Variants in NLRP5 observed in about 807,000 individuals in gnomAD.
The protein encoded by NLRP5 is NLR family pyrin domain containing 5.
In NLRP5, 93 loss-of-function variants were observed where a neutral mutation model predicts 113.1. The ratio of observed to expected loss-of-function variants is 0.82; its 90% CI spans 0.70 to 0.98. The LOEUF (loss-of-function observed/expected upper bound fraction) is 0.98. Ranked by LOEUF, NLRP5 falls within the 50% of genes least tolerant of loss-of-function variation. The pLI is 0.00. For synonymous variants in NLRP5, 751 were observed against 600.7 expected, an observed-to-expected ratio of 1.25 and a Z score of -3.66; for missense variants, 1,808 against 1,514.3, an observed-to-expected ratio of 1.19 and a Z score of -3.22.
At chr19:55,989,779 T>A in the NLRP5 span, among the ~76,000 whole-genome samples, 77,524 of 152,010 alleles carry the variant, frequency 0.51, 20,274 homozygotes, top group African/African-American at 0.63. Flanking sequence ...CCCACCTGTT[T>A]TTAATCGACT....
chr19:56,055,088 C>T (rs1984082557), intron 13 of NLRP5, among the ~76,000 whole-genome samples: 1 of 145,678 alleles, frequency 6.9e-6, no homozygotes, highest in African/African-American at 2.5e-5. Context: ...GAATCTCCGC[C>T]TTCCGAGTTC....
rs60229740 is a variant in NLRP5 at position 56,048,979 on chromosome 19, ATTT to A, written c.2958-1421_2958-1419del. On this transcript the variant is annotated intron_variant, in intron 11 of 14. Transcript: ENST00000390649. ...CTTCAAGCTCTGATTTTTTTTTTTA[ATTT>A]TTTTTTTTTTTTTTTTTGAGACAGA... is the stretch of plus-strand genomic sequence containing the variant. Among the ~76,000 whole-genome samples the A allele has an allele frequency of 9.2e-4, 87 of 94,942 alleles. No individual in the cohort carries two copies. The South Asian group carries it at 1.0e-2, about 11-fold the overall frequency. The allele number at this position is 94,942 out of a possible 152,430, so 62.3% of individuals were successfully genotyped here.
intron 6 of NLRP5, among the ~76,000 whole-genome samples, chr19:56,025,847 TC>T (rs1295906770): frequency 6.6e-6 from 1 of 151,714 alleles, no homozygotes; most frequent in Admixed American, 6.6e-5. Context: ...CAAGTTCCCC[TC>T]CCCCTCCCCA....
rs762091558 is a variant in NLRP5, at chr19:56,015,778, C to G, written c.545C>G (p.Ala182Gly). ...GCTGTGCAACAAGATAGTGCCACAG[C>G]TGCAGAGACAAAAGAACAAGGTGAA... The change falls in exon 4 of 15, where the codon GCT becomes GGT. Residue 182 changes from alanine (A) to glycine (G), a missense_variant. Physicochemically the swap from Ala to Gly is moderately conservative, Grantham distance 60. Coordinates refer to ENST00000390649, the MANE Select transcript of NLRP5 (RefSeq NM_153447.4). 44 of 1,571,392 alleles carry G rather than the reference C, an allele frequency of 2.8e-5. No individual in the cohort carries two copies. Among genetic ancestry groups the G allele is most frequent in the Non-Finnish European group, 3.5e-5 (41 of 1,156,824 alleles).
intron 11 of NLRP5, among the ~76,000 whole-genome samples, chr19:56,043,799 G>A (rs892811241): frequency 3.3e-5 from 5 of 151,462 alleles, no homozygotes; most frequent in African/African-American, 1.2e-4. Flanking sequence ...GGATGGTCTC[G>A]ATCTCCTGAC....
At position 56,007,772 on chromosome 19, in the gene NLRP5, T is replaced by A. The variant is rs1485802125; in HGVS notation, c.443-1016T>A. ...ACACAGGGAGACGAGTTTGAGGTCTTTCTACTGTCCATGAGATAAATAAAG... is the reference window on the plus strand; with the variant it reads ...ACACAGGGAGACGAGTTTGAGGTCTATCTACTGTCCATGAGATAAATAAAG... On this transcript the variant is annotated intron_variant, in intron 2 of 14. Transcript: ENST00000390649. Among the ~76,000 whole-genome samples, 12 of 151,122 alleles carry A rather than the reference T, an allele frequency of 7.9e-5. 1 individual carries two copies. The highest frequency in any genetic ancestry group is 3.0e-4 in the African/African-American group (12 of 40,642).
intron 7 of NLRP5, among the ~76,000 whole-genome samples, chr19:56,030,309 G>T (rs1983046669): frequency 1.3e-5 from 2 of 152,090 alleles, no homozygotes; most frequent in East Asian, 3.9e-4. Flanking sequence ...GGCGGAGGTT[G>T]CAGTGAGCCA....
intron 3 of NLRP5, among the ~76,000 whole-genome samples, chr19:56,014,495 A>T (rs911089447): frequency 1.4e-5 from 2 of 146,904 alleles, no homozygotes; most frequent in Non-Finnish European, 3.0e-5. Context: ...AAAAAAAAAA[A>T]ATTGCTTAAC....
At chr19:56,004,399 A>G (rs990269825) in intron 2 of NLRP5, among the ~76,000 whole-genome samples, 2 of 152,142 alleles carry the variant, frequency 1.3e-5, no homozygotes, top group Admixed American at 1.3e-4. Flanking sequence ...GTCGGTTGTG[A>G]GACTTCGGGC....
chr19:56,006,336 A>G (rs1981910422), intron 2 of NLRP5, among the ~76,000 whole-genome samples: 2 of 152,146 alleles, frequency 1.3e-5, no homozygotes, highest in Non-Finnish European at 1.5e-5. Context: ...ATAACGAGTT[A>G]ATGGGTGCAG....
intron 3 of NLRP5, among the ~76,000 whole-genome samples, chr19:56,009,416 T>C (rs1435946767): frequency 6.6e-6 from 1 of 150,860 alleles, no homozygotes; most frequent in African/African-American, 2.4e-5. Context: ...CGTCTTCAGT[T>C]TGGGTAACCT....
chr19:56,024,716 C>G (rs1232016180), intron 6 of NLRP5, among the ~76,000 whole-genome samples: 1 of 151,480 alleles, frequency 6.6e-6, no homozygotes, highest in Non-Finnish European at 1.5e-5. Flanking sequence ...CAAGATCACG[C>G]TGCTGCACTC....
intron 8 of NLRP5, among the ~76,000 whole-genome samples, chr19:56,033,305 C>T (rs1047979118): frequency 1.3e-5 from 2 of 152,118 alleles, no homozygotes; most frequent in African/African-American, 4.8e-5. Context: ...GGCTCCTTGA[C>T]ACCAGGTTTG....
intron 14 of NLRP5, among the ~76,000 whole-genome samples, chr19:56,058,713 TCTTA>T (rs1166807948): frequency 2.0e-5 from 3 of 152,196 alleles, no homozygotes; most frequent in Admixed American, 2.0e-4. Flanking sequence ...GATCCAGCAA[TCTTA>T]CTTCTGAGTA....
At position 56,003,825 on chromosome 19, in the gene NLRP5, C is replaced by G; in HGVS notation, c.172C>G (p.Leu58Val). 6.2e-7 allele frequency: 1 copy of G among 1,614,000 alleles called. No individual in the cohort carries two copies. Among genetic ancestry groups the G allele is most frequent in the Non-Finnish European group, 8.5e-7 (1 of 1,179,896 alleles). The stretch of plus-strand genomic sequence containing the variant: ...TATCAAGATGGAAGGAGACAAATCG[C>G]TCACCTTTTCCAGCTACGGGCTGCA... Residue 58 changes from leucine to valine, a missense_variant, in exon 2 of 15, where the codon CTC becomes GTC. By Grantham distance (32) the Leu-to-Val change is conservative (BLOSUM62 1). Coordinates refer to ENST00000390649, the MANE Select transcript of NLRP5 (RefSeq NM_153447.4).
At chr19:56,040,475 G>A (rs184246943) in intron 10 of NLRP5, among the ~76,000 whole-genome samples, 25 of 152,294 alleles carry the variant, frequency 1.6e-4, no homozygotes, top group Admixed American at 8.5e-4. Flanking sequence ...GGCTGAGGCC[G>A]GAGAATCATT....
At chr19:56,016,918 C>T (rs1982426171) in intron 4 of NLRP5, among the ~76,000 whole-genome samples, 1 of 152,090 alleles carries the variant, frequency 6.6e-6, no homozygotes, top group Admixed American at 6.5e-5. Flanking sequence ...AAGTGATTCT[C>T]CTGCCTCAGC....
At chr19:56,012,894 T>A (rs1049768946) in intron 3 of NLRP5, among the ~76,000 whole-genome samples, 2 of 151,784 alleles carry the variant, frequency 1.3e-5, no homozygotes, top group Non-Finnish European at 2.9e-5. Context: ...TTATATACTT[T>A]CCTTGCTTTT....
intron 1 of NLRP5, among the ~76,000 whole-genome samples, chr19:56,001,479 T>A (rs1320788081): frequency 2.0e-5 from 3 of 152,140 alleles, no homozygotes; most frequent in Non-Finnish European, 4.4e-5. Context: ...CTTCTGACTC[T>A]CCTAATTACT....
Sources: allele counts gnomAD v4.1 joint callset (sites outside exome capture counted in the v4.1 genomes callset), GRCh38; gene constraint gnomAD v4.1.1; transcripts MANE v1.5; gene names NCBI Gene and HGNC (gene_info 2026-07-23, HGNC 2026-07-21).